Variants in TENM3 observed in about 807,000 individuals in gnomAD.
The protein encoded by TENM3 is teneurin-3.
A neutral mutation model predicts 255.1 loss-of-function variants in TENM3; 63 were observed. The ratio of observed to expected loss-of-function variants is 0.25; its 90% CI spans 0.20 to 0.30. The LOEUF is 0.30. TENM3 is among the 10% of genes least tolerant of loss of function. TENM3 has a pLI of 1.00. For synonymous variants in TENM3, 1,306 were observed against 1,322.3 expected (o/e 0.99, Z 0.27); for missense variants, 2,929 against 3,461.1 (o/e 0.85, Z 3.86).
intron 1 of TENM3, among the ~76,000 whole-genome samples, chr4:182,164,887 T>C (rs1751604180): frequency 6.6e-6 from 1 of 152,214 alleles, no homozygotes; most frequent in Non-Finnish European, 1.5e-5. Context: ...GAAGTTCTGC[T>C]GTTCTATCAT....
intron 25 of TENM3, among the ~76,000 whole-genome samples, chr4:182,791,729 G>A: frequency 6.6e-6 from 1 of 152,094 alleles, no homozygotes; most frequent in East Asian, 1.9e-4. Flanking sequence ...TGGTGTCGAT[G>A]CTTTGTATAC....
At chr4:181,682,495 G>T in the TENM3 span, among the ~76,000 whole-genome samples, 52 of 152,274 alleles carry the variant, frequency 3.4e-4, 2 homozygotes, top group East Asian at 7.1e-3. Context: ...ACGGACATTT[G>T]TGTGAACCTG....
At chr4:182,501,452 A>C (rs911466495) in intron 3 of TENM3, among the ~76,000 whole-genome samples, 3 of 152,074 alleles carry the variant, frequency 2.0e-5, no homozygotes, top group African/African-American at 7.2e-5. Context: ...AGAATTTATA[A>C]ATATCCTGAG....
At chr4:181,757,003 T>C in the TENM3 span, among the ~76,000 whole-genome samples, 680 of 152,316 alleles carry the variant, frequency 4.5e-3, 5 homozygotes, top group African/African-American at 0.015. Context: ...AGAAACCCTG[T>C]CTGTGTGTGA....
At chr4:182,063,642 T>C in the TENM3 span, among the ~76,000 whole-genome samples, 1 of 152,222 alleles carries the variant, frequency 6.6e-6, no homozygotes. Context: ...TGGCAGGTAA[T>C]CTATAAGAAT....
chr4:181,626,409 T>C, the TENM3 span, among the ~76,000 whole-genome samples: 9 of 152,162 alleles, frequency 5.9e-5, no homozygotes, highest in Non-Finnish European at 8.8e-5. Flanking sequence ...TAGTCTAAGA[T>C]CATTTATAAA....
chr4:181,642,459 A>G, the TENM3 span, among the ~76,000 whole-genome samples: 1 of 151,962 alleles, frequency 6.6e-6, no homozygotes, highest in Middle Eastern at 3.4e-3. Context: ...TGCTGTGCAG[A>G]TACTCTTTAG....
At chr4:181,454,613 A>G in the TENM3 span, among the ~76,000 whole-genome samples, 3 of 98,812 alleles carry the variant, frequency 3.0e-5, no homozygotes, top group Non-Finnish European at 6.3e-5. Flanking sequence ...TTTTTTAACC[A>G]TTTGTATATC....
chr4:181,514,186 C>G, the TENM3 span, among the ~76,000 whole-genome samples: 1 of 151,890 alleles, frequency 6.6e-6, no homozygotes, highest in Non-Finnish European at 1.5e-5. Flanking sequence ...TGACTCTCAC[C>G]TATAACTCCG....
chr4:181,597,669 G>T, the TENM3 span, among the ~76,000 whole-genome samples: 18 of 152,090 alleles, frequency 1.2e-4, no homozygotes, highest in South Asian at 4.2e-4. Context: ...CTTACCAAAG[G>T]TTCCCTCAAT....
the TENM3 span, among the ~76,000 whole-genome samples, chr4:181,483,041 AC>A: frequency 1.3e-5 from 2 of 152,160 alleles, no homozygotes; most frequent in Non-Finnish European, 2.9e-5. Flanking sequence ...AAGCAGAAAA[AC>A]GTTATTAAAA....
intron 1 of TENM3, among the ~76,000 whole-genome samples, chr4:182,294,465 T>G (rs1417754005): frequency 6.6e-6 from 1 of 152,068 alleles, no homozygotes; most frequent in Non-Finnish European, 1.5e-5. Context: ...TAGAAGTATT[T>G]GTGTTCCAGC....
At chr4:182,620,931 G>T (rs1750064131) in intron 4 of TENM3, among the ~76,000 whole-genome samples, 1 of 152,138 alleles carries the variant, frequency 6.6e-6, no homozygotes, top group African/African-American at 2.4e-5. Context: ...TGTAATCCCA[G>T]CACTTTGGGA....
the TENM3 span, chr4:181,906,293 G>A: frequency 6.0e-6 from 1 of 165,800 alleles, no homozygotes; most frequent in Non-Finnish European, 1.3e-5. Context: ...CAGTCAGATG[G>A]AAATTTACGT....
chr4:182,001,030 C>T, the TENM3 span, among the ~76,000 whole-genome samples: 5 of 134,744 alleles, frequency 3.7e-5, no homozygotes, highest in Non-Finnish European at 6.2e-5. Context: ...TAATAATTCA[C>T]GGAACAGAAC....
the TENM3 span, among the ~76,000 whole-genome samples, chr4:181,765,770 A>T: frequency 6.6e-6 from 1 of 152,242 alleles, no homozygotes; most frequent in Non-Finnish European, 1.5e-5. Context: ...ACCAAAATGC[A>T]GTACAGCTGC....
chr4:181,709,828 T>C, the TENM3 span, among the ~76,000 whole-genome samples: 1 of 152,188 alleles, frequency 6.6e-6, no homozygotes, highest in Non-Finnish European at 1.5e-5. Flanking sequence ...GAAGATTTTT[T>C]TGATGGATTG....
At chr4:182,118,516 A>G in the TENM3 span, among the ~76,000 whole-genome samples, 1 of 152,030 alleles carries the variant, frequency 6.6e-6, no homozygotes, top group African/African-American at 2.4e-5. Context: ...CCTGGCCCCA[A>G]GCATCCCACC....
the TENM3 span, among the ~76,000 whole-genome samples, chr4:181,972,764 A>G: frequency 6.6e-6 from 1 of 152,234 alleles, no homozygotes; most frequent in East Asian, 1.9e-4. Flanking sequence ...TCCAGATCCC[A>G]GGGACAACAT....
Sources: allele counts gnomAD v4.1 joint callset (sites outside exome capture counted in the v4.1 genomes callset), GRCh38; gene constraint gnomAD v4.1.1; transcripts MANE v1.5; gene names NCBI Gene and HGNC (gene_info 2026-07-23, HGNC 2026-07-21).